MAPK6: variants seen among roughly 807,000 people sequenced by gnomAD.
MAPK6 encodes the protein mitogen-activated protein kinase 6.
A neutral mutation model predicts 59.3 loss-of-function variants in MAPK6; 19 were observed. That is an observed-to-expected ratio of 0.32 (90% confidence interval 0.22 to 0.47). The LOEUF (loss-of-function observed/expected upper bound fraction) is 0.47, where lower values mean the gene tolerates loss of function less well. Among genes scored for constraint, MAPK6 ranks in the 20% least tolerant of loss-of-function variants. The probability of loss-of-function intolerance (pLI) is 1.00; values close to 1 mark genes in which losing one functional copy is unlikely to be tolerated. For missense variants in MAPK6, 724 were observed against 847.9 expected (o/e 0.85, Z 1.81); for synonymous variants, 316 against 290.3 (o/e 1.09, Z -0.90).
At chr15:51,994,253 C>G (rs971046046) in intron 2 of MAPK6, among the ~76,000 whole-genome samples, 8 of 152,162 alleles carry the variant, frequency 5.3e-5, no homozygotes, top group African/African-American at 1.9e-4. Flanking sequence ...AGCCACCGCG[C>G]CTGGCCAGCT....
intron 3 of MAPK6, among the ~76,000 whole-genome samples, chr15:52,005,507 A>C (rs1208033949): frequency 6.6e-6 from 1 of 151,950 alleles, no homozygotes; most frequent in Non-Finnish European, 1.5e-5. Context: ...AGCCTGGGCA[A>C]CAAGAGTGAC....
At chr15:51,986,190 C>G (rs1026894311) in intron 2 of MAPK6, among the ~76,000 whole-genome samples, 1 of 152,072 alleles carries the variant, frequency 6.6e-6, no homozygotes, top group Non-Finnish European at 1.5e-5. Flanking sequence ...TTTTAAACAA[C>G]CAGATTTCAT....
upstream of MAPK6, among the ~76,000 whole-genome samples, chr15:52,018,405 G>T (rs2030343175): frequency 6.6e-6 from 1 of 152,174 alleles, no homozygotes; most frequent in Non-Finnish European, 1.5e-5. Context: ...GCTATTCTAT[G>T]TCTGGTTCTC....
At chr15:51,985,830 C>T (rs1294534479) in intron 2 of MAPK6, among the ~76,000 whole-genome samples, 3 of 149,258 alleles carry the variant, frequency 2.0e-5, no homozygotes, top group Non-Finnish European at 4.5e-5. Context: ...TGGTGGTGGG[C>T]GCCTGTACTC....
intron 1 of MAPK6, among the ~76,000 whole-genome samples, chr15:52,022,479 C>A (rs974284488): frequency 1.3e-5 from 2 of 152,126 alleles, no homozygotes; most frequent in South Asian, 2.1e-4. Flanking sequence ...CCAGGCTGTT[C>A]TTGAACTCCT....
chr15:52,036,514 T>C (rs1419333711), intron 1 of MAPK6, among the ~76,000 whole-genome samples: 1 of 152,212 alleles, frequency 6.6e-6, no homozygotes, highest in Non-Finnish European at 1.5e-5. Context: ...GCTTTTATAA[T>C]AGGCCCACTC....
intron 2 of MAPK6, among the ~76,000 whole-genome samples, chr15:51,992,693 C>T (rs2141817998): frequency 6.6e-6 from 1 of 152,254 alleles, no homozygotes; most frequent in South Asian, 2.1e-4. Context: ...GTTTCCATGA[C>T]TCTCTCCTTG....
intron 2 of MAPK6, among the ~76,000 whole-genome samples, chr15:52,002,807 C>T (rs577673378): frequency 2.0e-4 from 30 of 152,220 alleles, no homozygotes; most frequent in African/African-American, 5.3e-4. Context: ...ACAATCATGG[C>T]GGAAGAGGAA....
chr15:52,013,490 A>G (rs190695104), intron 3 of MAPK6, among the ~76,000 whole-genome samples: 2 of 152,320 alleles, frequency 1.3e-5, no homozygotes, highest in East Asian at 3.9e-4. Flanking sequence ...CAAGAAGCCT[A>G]AAGAGGGAAC....
At chr15:52,036,045 A>C (rs950619113) in intron 1 of MAPK6, among the ~76,000 whole-genome samples, 3 of 152,104 alleles carry the variant, frequency 2.0e-5, no homozygotes, top group African/African-American at 7.2e-5. Flanking sequence ...TTAGAATTAC[A>C]AAATTTGAGA....
intron 3 of MAPK6, chr15:52,011,466 C>A (rs2030056414): frequency 6.6e-6 from 1 of 152,120 alleles, no homozygotes; most frequent in Admixed American, 6.5e-5. Flanking sequence ...TGTGAAGTGC[C>A]CTACAGAGAA....
At chr15:52,056,107 G>A (rs1006456837) in intron 3 of MAPK6, among the ~76,000 whole-genome samples, 2 of 152,186 alleles carry the variant, frequency 1.3e-5, no homozygotes, top group Non-Finnish European at 2.9e-5. Flanking sequence ...CAAAAGGTAA[G>A]GACCAAGCAC....
chr15:51,976,641 T>C (rs2057158302), intron 1 of MAPK6, among the ~76,000 whole-genome samples: 1 of 151,744 alleles, frequency 6.6e-6, no homozygotes, highest in Admixed American at 6.6e-5. Context: ...CTATGTGGAA[T>C]TGTCTTTAAA....
chr15:51,975,991 A>G (rs569166435), intron 1 of MAPK6, among the ~76,000 whole-genome samples: 9 of 151,778 alleles, frequency 5.9e-5, no homozygotes, highest in South Asian at 2.1e-4. Flanking sequence ...GGGGGGCTGG[A>G]CACGGTGGCT....
intron 5 of MAPK6, among the ~76,000 whole-genome samples, chr15:52,063,521 T>TC (rs1451892689): frequency 1.5e-4 from 1 of 6,744 alleles, no homozygotes; most frequent in African/African-American, 3.6e-4. Context: ...CTCCTCCTCT[T>TC]CTAGTTGCCC....
intron 2 of MAPK6, among the ~76,000 whole-genome samples, chr15:51,996,393 TTATG>T (rs2057224261): frequency 6.6e-6 from 1 of 152,092 alleles, no homozygotes; most frequent in Non-Finnish European, 1.5e-5. Flanking sequence ...TTTTATTTAT[TTATG>T]TATTTATTAT....
At chr15:51,973,002 CTG>C (rs949904061) in intron 1 of MAPK6, among the ~76,000 whole-genome samples, 1 of 151,674 alleles carries the variant, frequency 6.6e-6, no homozygotes, top group Non-Finnish European at 1.5e-5. Context: ...GAGTAAGGCT[CTG>C]TTTCTTAGAA....
intron 3 of MAPK6, among the ~76,000 whole-genome samples, chr15:52,008,306 T>C (rs1290273901): frequency 6.6e-6 from 1 of 152,168 alleles, no homozygotes; most frequent in Non-Finnish European, 1.5e-5. Context: ...TAGGGTACCG[T>C]GGTCTTTTAT....
chr15:51,992,297 A>C (rs1019362588), intron 2 of MAPK6, among the ~76,000 whole-genome samples: 4,366 of 58,320 alleles, frequency 0.075, 238 homozygotes, highest in African/African-American at 0.21. Flanking sequence ...CTATCTATAT[A>C]TATATATATT....
Sources: allele counts gnomAD v4.1 joint callset (sites outside exome capture counted in the v4.1 genomes callset), GRCh38; gene constraint gnomAD v4.1.1; transcripts MANE v1.5; gene names NCBI Gene and HGNC (gene_info 2026-07-23, HGNC 2026-07-21).